TJP3: variants seen among roughly 807,000 people sequenced by gnomAD.
TJP3 encodes the protein tight junction protein 3.
A neutral mutation model predicts 104.2 loss-of-function variants in TJP3; 85 were observed. The observed-to-expected ratio is 0.82, with a 90% CI of 0.68 to 0.98. The LOEUF (loss-of-function observed/expected upper bound fraction) is 0.98. Among genes scored for constraint, TJP3 ranks in the 50% least tolerant of loss-of-function variants. The probability of loss-of-function intolerance (pLI) is 0.00; values close to 1 mark genes in which losing one functional copy is unlikely to be tolerated. For missense variants in TJP3, 1,367 were observed against 1,322.8 expected (o/e 1.03, Z -0.52); for synonymous variants, 550 against 550.6 (o/e 1.00, Z 0.02).
chr19:3,747,948 A>AG lies in TJP3; in HGVS notation c.2484dup (p.Pro829AlafsTer7), dbSNP rs748320679. ...GATGGCGAGGGCTACACAGACGGCGAGGGGGGGCCCTACACGGATGTGGAT... is the reference window on the plus strand; with the variant it reads ...GATGGCGAGGGCTACACAGACGGCGAGGGGGGGGCCCTACACGGATGTGGAT... On this transcript the variant is annotated frameshift_variant, in exon 19 of 21. Coordinates refer to ENST00000541714, the MANE Select transcript of TJP3 (RefSeq NM_001267560.2). LOFTEE classifies it high-confidence loss of function. The AG allele has an allele frequency of 1.2e-5, 20 of 1,612,846 alleles. No individual in the cohort carries two copies. In the East Asian group the frequency reaches 1.3e-4, roughly 11 times the overall value.
intron 1 of TJP3, among the ~76,000 whole-genome samples, chr19:3,716,847 T>C: frequency 7.2e-6 from 1 of 138,126 alleles, no homozygotes; most frequent in Non-Finnish European, 1.6e-5. Flanking sequence ...TCGCCCAGGT[T>C]GGAGACAGTG....
chr19:3,739,588 T>C (rs1316725434), intron 13 of TJP3, among the ~76,000 whole-genome samples: 2 of 152,230 alleles, frequency 1.3e-5, no homozygotes, highest in Non-Finnish European at 2.9e-5. Context: ...CATTTGGTGC[T>C]GGTATGAGCT....
intron 1 of TJP3, among the ~76,000 whole-genome samples, chr19:3,710,481 T>G (rs1398557995): frequency 2.0e-5 from 3 of 152,184 alleles, no homozygotes; most frequent in Non-Finnish European, 4.4e-5. Context: ...AGGCTCAGCA[T>G]CTCGAGAAAG....
intron 1 of TJP3, 87 bp from the exon 2 acceptor site, chr19:3,728,337 G>A (rs369074743): frequency 7.0e-5 from 113 of 1,606,674 alleles, no homozygotes; most frequent in Non-Finnish European, 9.5e-5. Flanking sequence ...TGTCAGAGCT[G>A]GACTCCCCAC....
At chr19:3,721,895 G>A in intron 1 of TJP3, 2 of 1,229,976 alleles carry the variant, frequency 1.6e-6, no homozygotes, top group Non-Finnish European at 2.0e-6. Context: ...GGTGGACCAT[G>A]GCGGTGAGAT....
chr19:3,709,585 C>A (rs1346300567), intron 1 of TJP3, among the ~76,000 whole-genome samples: 3 of 152,176 alleles, frequency 2.0e-5, no homozygotes, highest in Non-Finnish European at 4.4e-5. Flanking sequence ...CATCTCAAGT[C>A]TCTCTCCAGA....
intron 19 of TJP3, among the ~76,000 whole-genome samples, chr19:3,749,112 T>C (rs1823087491): frequency 6.6e-6 from 1 of 151,338 alleles, no homozygotes; most frequent in Non-Finnish European, 1.5e-5. Context: ...CCTCAGGTGA[T>C]CCACGTCGGC....
rs1187539232 is a variant in TJP3 at position 3,731,927 on chromosome 19, C to A, written c.614-8C>A. 3 of 1,611,762 alleles carry A rather than the reference C, an allele frequency of 1.9e-6. No homozygotes were observed. Among genetic ancestry groups the A allele is most frequent in the Non-Finnish European group, 1.7e-6 (2 of 1,178,778 alleles). On this transcript the variant is annotated splice_polypyrimidine_tract_variant and splice_region_variant and intron_variant, in intron 5 of 20. Coordinates refer to ENST00000541714, the MANE Select transcript of TJP3 (RefSeq NM_001267560.2). ...TCCTGCCTCAGTTTCCCTCCTCCCCCCTTACAGAGTTTGGCGTCAAGCTGG... is the reference window on the plus strand; with the variant it reads ...TCCTGCCTCAGTTTCCCTCCTCCCCACTTACAGAGTTTGGCGTCAAGCTGG...
intron 13 of TJP3, among the ~76,000 whole-genome samples, chr19:3,739,772 C>T (rs1352698742): frequency 6.6e-6 from 1 of 152,118 alleles, no homozygotes; most frequent in Non-Finnish European, 1.5e-5. Context: ...CTAGAGGGGC[C>T]GCATCCCTCA....
At chr19:3,711,748 A>AAAAAAAAAAAAAG (rs377487730) in intron 1 of TJP3, among the ~76,000 whole-genome samples, 12 of 128,162 alleles carry the variant, frequency 9.4e-5, no homozygotes, top group African/African-American at 3.6e-4. Flanking sequence ...AAAAAAAAAA[A>AAAAAAAAAAAAAG]AAAGGTGCTT....
chr19:3,734,124 C>T (rs1031775267), intron 7 of TJP3, among the ~76,000 whole-genome samples: 7 of 152,144 alleles, frequency 4.6e-5, no homozygotes, highest in Non-Finnish European at 7.4e-5. Flanking sequence ...TGGGTTCGAG[C>T]GATTCTCGTG....
intron 1 of TJP3, among the ~76,000 whole-genome samples, chr19:3,709,525 C>T (rs1381704619): frequency 6.6e-6 from 1 of 152,148 alleles, no homozygotes; most frequent in East Asian, 1.9e-4. Context: ...GTCATTTGCT[C>T]CCAAATGGGA....
At chr19:3,718,481 G>C (rs1344037939) in intron 1 of TJP3, among the ~76,000 whole-genome samples, 1 of 150,042 alleles carries the variant, frequency 6.7e-6, no homozygotes, top group Admixed American at 6.7e-5. Flanking sequence ...GTGGTGGGGG[G>C]CGGGGTGGAC....
chr19:3,715,187 T>G (rs903968245), intron 1 of TJP3, among the ~76,000 whole-genome samples: 8 of 151,940 alleles, frequency 5.3e-5, no homozygotes, highest in Non-Finnish European at 1.0e-4. Flanking sequence ...CCTCCCGGGT[T>G]CACGCCATTC....
chr19:3,717,307 T>A (rs1013969280), intron 1 of TJP3, among the ~76,000 whole-genome samples: 2 of 137,384 alleles, frequency 1.5e-5, no homozygotes, highest in Non-Finnish European at 3.4e-5. Flanking sequence ...TTCACCATGT[T>A]GGCCAGGCTG....
Position 3,731,941 on chromosome 19 carries a change from G to A in TJP3, c.620G>A (p.Gly207Asp). The A allele has an allele frequency of 3.7e-6, 6 of 1,612,960 alleles. No homozygotes were observed. Among genetic ancestry groups the A allele is most frequent in the Non-Finnish European group, 5.1e-6 (6 of 1,179,456 alleles). The change falls in exon 6 of 21, where the codon GGC (glycine) becomes GAC (aspartate). Residue 207 changes from glycine (G) to aspartate (D), a missense_variant. By Grantham distance (94) the Gly-to-Asp change is moderately conservative. Transcript: ENST00000541714. ...CCCTCCTCCCCCCTTACAGAGTTTGGCGTCAAGCTGGGCAGTCAGATCTTC... is the reference window on the plus strand; with the variant it reads ...CCCTCCTCCCCCCTTACAGAGTTTGACGTCAAGCTGGGCAGTCAGATCTTC... ...LVKRRDSEEF[G>D]VKLGSQIFIK...
chr19:3,743,115 T>C (rs532653897), intron 14 of TJP3, among the ~76,000 whole-genome samples: 1 of 151,600 alleles, frequency 6.6e-6, no homozygotes, highest in South Asian at 2.1e-4. Context: ...AATACAAAAA[T>C]TAGCCAGGCA....
chr19:3,721,321 G>C (rs990874133), intron 1 of TJP3, among the ~76,000 whole-genome samples: 1 of 152,134 alleles, frequency 6.6e-6, no homozygotes. Context: ...TGGCCTCTGG[G>C]GCCTCCGGTT....
chr19:3,727,483 CAAAAA>C (rs36057859), intron 1 of TJP3, among the ~76,000 whole-genome samples: 3 of 86,644 alleles, frequency 3.5e-5, no homozygotes, highest in Non-Finnish European at 5.1e-5. Context: ...AACTCTGTCT[CAAAAA>C]AAAAAAAAAA....
Sources: gnomAD v4.1 joint callset for allele counts (sites outside exome capture counted in the v4.1 genomes callset) on GRCh38, gnomAD v4.1.1 for gene constraint, MANE v1.5 for transcripts, NCBI Gene and HGNC (gene_info 2026-07-23, HGNC 2026-07-21) for gene names.